Variants in SATL1 observed in about 807,000 individuals in gnomAD.
The protein encoded by SATL1 is spermidine/spermine N(1)-acetyltransferase-like protein 1.
A neutral mutation model predicts 51.8 loss-of-function variants in SATL1; 47 were observed. The ratio of observed to expected loss-of-function variants is 0.91; its 90% confidence interval spans 0.72 to 1.16. SATL1 has a LOEUF of 1.16. SATL1 is among the 50% of genes most tolerant of loss of function. The pLI is 0.00. For synonymous variants in SATL1, 176 were observed against 182.4 expected, an observed-to-expected ratio of 0.97 and a Z score of 0.28; for missense variants, 520 against 526.4, an observed-to-expected ratio of 0.99 and a Z score of 0.12.
At chrX:85,100,933 T>C (rs1924876441) in intron 4 of SATL1, among the ~76,000 whole-genome samples, 1 of 111,932 alleles carries the variant, frequency 8.9e-6, no homozygotes, top group African/African-American at 3.2e-5. Context: ...AAGGGTTCTA[T>C]GACCATTCAT....
At chrX:85,100,457 A>G (rs148135145) in intron 4 of SATL1, among the ~76,000 whole-genome samples, 1,845 of 111,866 alleles carry the variant, frequency 0.016, 18 homozygotes, top group Non-Finnish European at 0.026. Context: ...AACCCCTAAA[A>G]TAATTGAATA....
At position 85,238,315 on chromosome X, in the gene SATL1, T is replaced by C. The variant is rs765510769; in HGVS notation, c.-435+5273A>G. ...CCAAGATTTGGAAGCAACCTAAGTG[T>C]CCATCAACAAATGAATAGATAAAGA... On this transcript the variant is annotated intron_variant, in intron 1 of 7. Coordinates refer to ENST00000644105, the MANE Select transcript of SATL1 (RefSeq NM_001367857.2). Among the ~76,000 whole-genome samples the C allele has an allele frequency of 4.5e-5, 5 of 111,488 alleles. No individual in the cohort carries two copies. The East Asian group carries it at 1.4e-3, about 31-fold the overall frequency.
chrX:85,138,127 C>T (rs1270604751), intron 2 of SATL1, among the ~76,000 whole-genome samples: 1 of 112,375 alleles, frequency 8.9e-6, no homozygotes, highest in African/African-American at 3.2e-5. Context: ...CTGAAAATTC[C>T]AAAGTCTCTG....
chrX:85,118,430 A>C (rs1163732283), intron 2 of SATL1: 1 of 110,274 alleles, frequency 9.1e-6, no homozygotes, highest in African/African-American at 3.3e-5. Flanking sequence ...GGTTTATAAG[A>C]AGAAGGTAAC....
chrX:85,217,991 A>G (rs1014962726), intron 2 of SATL1, among the ~76,000 whole-genome samples: 1 of 111,890 alleles, frequency 8.9e-6, no homozygotes, highest in East Asian at 2.8e-4. Context: ...TCTCACCATT[A>G]TCCTAAGCAA....
intron 2 of SATL1, among the ~76,000 whole-genome samples, chrX:85,115,437 G>T (rs1925362093): frequency 8.9e-6 from 1 of 112,642 alleles, no homozygotes; most frequent in Non-Finnish European, 1.9e-5. Context: ...GTTCCAATTA[G>T]TGTCTGTCCT....
At chrX:85,130,733 A>G (rs943595317) in intron 2 of SATL1, among the ~76,000 whole-genome samples, 7 of 110,810 alleles carry the variant, frequency 6.3e-5, no homozygotes, top group Admixed American at 9.6e-5. Context: ...TTTTAATTGT[A>G]ATGTTAGGGT....
intron 2 of SATL1, among the ~76,000 whole-genome samples, chrX:85,140,783 C>G (rs960598768): frequency 1.8e-5 from 2 of 111,702 alleles, no homozygotes; most frequent in Middle Eastern, 4.2e-3. Context: ...CGTTATATCC[C>G]TAGAATTTTT....
At chrX:85,240,172 T>G (rs1383468877) in intron 1 of SATL1, among the ~76,000 whole-genome samples, 1 of 111,690 alleles carries the variant, frequency 9.0e-6, no homozygotes, top group Non-Finnish European at 1.9e-5. Flanking sequence ...AATGGACGCT[T>G]CATCAGAGAA....
chrX:85,217,197 A>C (rs1928063984), intron 2 of SATL1, among the ~76,000 whole-genome samples: 1 of 111,463 alleles, frequency 9.0e-6, no homozygotes, highest in African/African-American at 3.3e-5. Context: ...ACTACAAAAT[A>C]AAAGCTCAGA....
In SATL1 at chrX:85,111,276, G is replaced by A. The variant is rs1374861651; in HGVS notation, c.-312-1996C>T. 6.3e-5 allele frequency among the ~76,000 whole-genome samples: 7 copies of A among 111,364 alleles called. No homozygotes were observed. The Admixed American group carries it at 6.6e-4, about 10-fold the overall frequency. ...TTTATTTTGCATTTTCTTTACATGAGTTGAAGACTATTTAGATATTTGTTT... is the reference window on the plus strand; with the variant it reads ...TTTATTTTGCATTTTCTTTACATGAATTGAAGACTATTTAGATATTTGTTT... On this transcript the variant is annotated intron_variant, in intron 2 of 7. Coordinates refer to ENST00000644105, the MANE Select transcript of SATL1 (RefSeq NM_001367857.2).
intron 2 of SATL1, among the ~76,000 whole-genome samples, chrX:85,150,321 C>G (rs1176664556): frequency 2.7e-5 from 3 of 110,819 alleles, no homozygotes; most frequent in African/African-American, 9.9e-5. Flanking sequence ...TGGCAATAAT[C>G]AATAGCTTAC....
At chrX:85,149,891 C>A (rs1233804155) in intron 2 of SATL1, among the ~76,000 whole-genome samples, 1 of 111,507 alleles carries the variant, frequency 9.0e-6, no homozygotes, top group Non-Finnish European at 1.9e-5. Context: ...ACCCTAACAT[C>A]ACAATTAAAA....
chrX:85,218,891 T>C (rs945157020), intron 2 of SATL1, among the ~76,000 whole-genome samples: 20 of 112,475 alleles, frequency 1.8e-4, no homozygotes, highest in African/African-American at 6.4e-4. Flanking sequence ...ATTATTTTAC[T>C]AAAATAAGAT....
At chrX:85,165,588 C>G (rs1926817380) in intron 2 of SATL1, among the ~76,000 whole-genome samples, 1 of 110,834 alleles carries the variant, frequency 9.0e-6, no homozygotes, top group East Asian at 2.8e-4. Flanking sequence ...TGCTGAAGAC[C>G]TAATGTAATC....
chrX:85,179,570 AT>A (rs939450661), intron 2 of SATL1, among the ~76,000 whole-genome samples: 2 of 111,184 alleles, frequency 1.8e-5, no homozygotes, highest in African/African-American at 6.5e-5. Context: ...TCAACTGTCC[AT>A]TCAATATTCA....
chrX:85,218,378 T>G (rs1193831577), intron 2 of SATL1, among the ~76,000 whole-genome samples: 1 of 111,981 alleles, frequency 8.9e-6, no homozygotes, highest in Admixed American at 9.5e-5. Context: ...TTTTAAATGT[T>G]CAGGGACATG....
chrX:85,173,575 G>T (rs1293656742), intron 2 of SATL1, among the ~76,000 whole-genome samples: 1 of 108,887 alleles, frequency 9.2e-6, no homozygotes, highest in East Asian at 2.9e-4. Flanking sequence ...GATTTTCAAA[G>T]CCATTATAGT....
At chrX:85,235,942 A>T (rs1928472944) in intron 1 of SATL1, among the ~76,000 whole-genome samples, 1 of 111,330 alleles carries the variant, frequency 9.0e-6, no homozygotes, top group Admixed American at 9.5e-5. Flanking sequence ...TTTTAACCAG[A>T]CTAATCAAGA....
Sources: gnomAD v4.1 joint callset for allele counts (sites outside exome capture counted in the v4.1 genomes callset) on GRCh38, gnomAD v4.1.1 for gene constraint, MANE v1.5 for transcripts, NCBI Gene and HGNC (gene_info 2026-07-23, HGNC 2026-07-21) for gene names.